The following RAB11FIP4 variants were observed in gnomAD, a reference collection of about 807,000 sequenced individuals.
The protein encoded by RAB11FIP4 is rab11 family-interacting protein 4.
A neutral mutation model predicts 74.3 loss-of-function variants in RAB11FIP4; 23 were observed. The observed-to-expected ratio is 0.31, with a 90% CI of 0.22 to 0.44. RAB11FIP4 has a LOEUF of 0.44. Among genes scored for constraint, RAB11FIP4 ranks in the 20% least tolerant of loss-of-function variants. RAB11FIP4 has a pLI of 1.00. For missense variants in RAB11FIP4, 630 were observed against 863.9 expected (o/e 0.73, Z 3.39); for synonymous variants, 360 against 359.9 (o/e 1.00, Z 0.00).
intron 1 of RAB11FIP4, among the ~76,000 whole-genome samples, chr17:31,407,040 ATTTTTTTT>A (rs59919036): frequency 6.1e-4 from 31 of 51,212 alleles, no homozygotes; most frequent in South Asian, 4.8e-3. Flanking sequence ...GTTTCACTTG[ATTTTTTTT>A]TTTTTTTTTT....
intron 3 of RAB11FIP4, among the ~76,000 whole-genome samples, chr17:31,475,714 C>T (rs1390447559): frequency 6.6e-6 from 1 of 152,006 alleles, no homozygotes; most frequent in Non-Finnish European, 1.5e-5. Flanking sequence ...AGGCGACAAG[C>T]GGCCTTCTTG....
At chr17:31,487,972 G>T (rs1170277680) in intron 3 of RAB11FIP4, 1 of 522,938 alleles carries the variant, frequency 1.9e-6, no homozygotes, top group Non-Finnish European at 2.5e-6. Flanking sequence ...CCCCGCCCCC[G>T]CCCCGCCCCG....
At chr17:31,431,509 G>A (rs1379317923) in intron 1 of RAB11FIP4, 1 of 285,920 alleles carries the variant, frequency 3.5e-6, no homozygotes, top group East Asian at 7.5e-5. Context: ...TTAAAACATC[G>A]GCAGAGCCTC....
At chr17:31,431,998 G>A in intron 2 of RAB11FIP4, 98 bp downstream of exon 2, 1 of 928,162 alleles carries the variant, frequency 1.1e-6, no homozygotes, top group Non-Finnish European at 1.7e-6. Context: ...CCTCCCCACA[G>A]GGGTCCCAGA....
At chr17:31,431,662 C>T (rs1275149681) in intron 1 of RAB11FIP4, 151 bp from the exon 2 acceptor site, 1 of 635,180 alleles carries the variant, frequency 1.6e-6, no homozygotes. Flanking sequence ...AATAAAGTGG[C>T]CCCATGGCTG....
intron 3 of RAB11FIP4, among the ~76,000 whole-genome samples, chr17:31,456,975 A>G (rs1466692297): frequency 6.6e-6 from 1 of 152,140 alleles, no homozygotes; most frequent in Non-Finnish European, 1.5e-5. Flanking sequence ...AGGCAAGAGT[A>G]AACAAGGCTT....
chr17:31,409,577 A>T (rs1253061622), intron 1 of RAB11FIP4, among the ~76,000 whole-genome samples: 1 of 152,166 alleles, frequency 6.6e-6, no homozygotes, highest in Admixed American at 6.5e-5. Context: ...AAGAAACTCC[A>T]GATGTGTAGG....
intron 3 of RAB11FIP4, among the ~76,000 whole-genome samples, chr17:31,442,206 A>C (rs2071412928): frequency 6.6e-6 from 1 of 152,038 alleles, no homozygotes; most frequent in Non-Finnish European, 1.5e-5. Context: ...TCACTCTGTT[A>C]GCCAGGATGG....
At chr17:31,432,884 G>C (rs548810021) in intron 2 of RAB11FIP4, among the ~76,000 whole-genome samples, 1 of 152,290 alleles carries the variant, frequency 6.6e-6, no homozygotes, top group East Asian at 1.9e-4. Context: ...AGCACTTTTT[G>C]GGAGGCCGAG....
In RAB11FIP4 at chr17:31,466,406, G is replaced by A. The variant is rs577610543; in HGVS notation, c.336+32284G>A. Among the ~76,000 whole-genome samples the A allele has an allele frequency of 1.9e-4, 29 of 152,224 alleles. 1 individual carries two copies. The South Asian group carries it at 4.8e-3, about 25-fold the overall frequency. ...TAGGTGGTGATGCCTTCCTCCTAAG[G>A]TGTTATGAGGATTAAATGAATTAGT... is the stretch of plus-strand genomic sequence containing the variant. On this transcript the variant is annotated intron_variant, in intron 3 of 14. Coordinates refer to ENST00000621161, the MANE Select transcript of RAB11FIP4 (RefSeq NM_032932.6).
intron 3 of RAB11FIP4, among the ~76,000 whole-genome samples, chr17:31,492,495 CAT>C (rs1481204731): frequency 6.6e-6 from 1 of 152,128 alleles, no homozygotes; most frequent in Non-Finnish European, 1.5e-5. Context: ...CTGGCCAGCA[CAT>C]GTTATCCTGG....
chr17:31,525,018 C>A, intron 9 of RAB11FIP4, 72 bp from the exon 10 acceptor site: 1 of 1,531,070 alleles, frequency 6.5e-7, no homozygotes, highest in African/African-American at 1.4e-5. Context: ...GGCCCAGGGT[C>A]CCCCGTGCCA....
intron 3 of RAB11FIP4, among the ~76,000 whole-genome samples, chr17:31,461,009 CCT>C (rs1342472352): frequency 2.6e-5 from 4 of 151,964 alleles, no homozygotes; most frequent in African/African-American, 9.7e-5. Context: ...CACAGCCTCC[CCT>C]GTCCACCAAC....
chr17:31,429,791 TGC>T (rs1272906644), intron 1 of RAB11FIP4, among the ~76,000 whole-genome samples: 1 of 136,734 alleles, frequency 7.3e-6, no homozygotes, highest in East Asian at 2.2e-4. Context: ...ATTGCGCCAC[TGC>T]GCTCCAGCCT....
At chr17:31,457,037 C>T (rs1034737539) in intron 3 of RAB11FIP4, among the ~76,000 whole-genome samples, 3 of 152,056 alleles carry the variant, frequency 2.0e-5, no homozygotes, top group African/African-American at 7.3e-5. Context: ...GTCCTGGGGG[C>T]CTGTCTTAAT....
chr17:31,504,763 C>A (rs986384176), intron 3 of RAB11FIP4, among the ~76,000 whole-genome samples: 7 of 152,094 alleles, frequency 4.6e-5, no homozygotes, highest in Admixed American at 2.0e-4. Flanking sequence ...CTCAAAAGGT[C>A]TTTTACAGCT....
At chr17:31,454,471 A>C (rs909937458) in intron 3 of RAB11FIP4, among the ~76,000 whole-genome samples, 12 of 151,938 alleles carry the variant, frequency 7.9e-5, no homozygotes, top group Non-Finnish European at 1.5e-4. Context: ...ATGGAGTTTC[A>C]CCATGTTGGC....
chr17:31,509,737 T>C (rs1330751463), intron 3 of RAB11FIP4, among the ~76,000 whole-genome samples: 5 of 152,192 alleles, frequency 3.3e-5, no homozygotes, highest in Admixed American at 3.3e-4. Flanking sequence ...CGGGGCTGGC[T>C]GAGGTGTGGG....
At chr17:31,528,207 G>A (rs906438893) in intron 11 of RAB11FIP4, among the ~76,000 whole-genome samples, 199 bp from the exon 12 acceptor site, 31 of 152,358 alleles carry the variant, frequency 2.0e-4, no homozygotes, top group African/African-American at 7.5e-4. Context: ...TCAGAGGCCT[G>A]AGGTTTTTAG....
Sources: allele counts gnomAD v4.1 joint callset (sites outside exome capture counted in the v4.1 genomes callset), GRCh38; gene constraint gnomAD v4.1.1; transcripts MANE v1.5; gene names NCBI Gene and HGNC (gene_info 2026-07-23, HGNC 2026-07-21).